KTN1: variants seen among roughly 807,000 people sequenced by gnomAD.
The protein encoded by KTN1 is kinectin.
Under a neutral mutation model 222.5 loss-of-function variants are expected in KTN1, and 130 were observed. The observed-to-expected ratio is 0.58, with a 90% CI of 0.51 to 0.68. The LOEUF (loss-of-function observed/expected upper bound fraction) is 0.68, where lower values mean the gene tolerates loss of function less well. Ranked by LOEUF, KTN1 falls within the 30% of genes least tolerant of loss-of-function variation. KTN1 has a pLI of 0.00. For missense variants in KTN1, 1,508 were observed against 1,500.4 expected, an observed-to-expected ratio of 1.01 and a Z score of -0.08; for synonymous variants, 512 against 496.3, an observed-to-expected ratio of 1.03 and a Z score of -0.42.
intron 41 of KTN1, among the ~76,000 whole-genome samples, chr14:55,677,283 C>T (rs2045960667): frequency 6.6e-6 from 1 of 151,986 alleles, no homozygotes; most frequent in Non-Finnish European, 1.5e-5. Flanking sequence ...CAAGACCAGC[C>T]TGGCCAACAT....
Position 55,641,897 on chromosome 14 carries a change from C to G in KTN1, c.2172+137C>G, listed in dbSNP as rs1279752975. ...TGGCTGTTATTGCCTTTCTATTCAT[C>G]CTGTATCTAAATTCAGGAAATTTTT... On this transcript the variant is annotated intron_variant, in intron 18 of 43. Coordinates refer to ENST00000395314, the MANE Select transcript of KTN1 (RefSeq NM_001079521.2). 6 of 635,298 alleles carry G rather than the reference C, an allele frequency of 9.4e-6. No individual in the cohort carries two copies. The Admixed American group carries it at 1.4e-4, about 15-fold the overall frequency. 39.4% of individuals were successfully genotyped at this position (635,298 alleles called of 1,614,324 possible).
chr14:55,674,812 A>C (rs182070921), intron 40 of KTN1: 2 of 152,034 alleles, frequency 1.3e-5, no homozygotes, highest in Admixed American at 1.3e-4. Context: ...TGGGATCTTT[A>C]TTTTAATGTT....
At chr14:55,681,119 A>G (rs1433653006) in intron 43 of KTN1, 1 of 182,026 alleles carries the variant, frequency 5.5e-6, no homozygotes, top group Non-Finnish European at 1.2e-5. Context: ...ATTTATTGTT[A>G]TTGATTACTT....
chr14:55,611,246 C>T (rs138313777), intron 1 of KTN1, among the ~76,000 whole-genome samples: 1,651 of 151,210 alleles, frequency 0.011, 12 homozygotes, highest in Non-Finnish European at 0.019. Flanking sequence ...TTAACTACGC[C>T]CAGCTAATTT....
intron 40 of KTN1, chr14:55,674,199 G>A (rs565127720): frequency 1.8e-4 from 28 of 152,132 alleles, no homozygotes; most frequent in African/African-American, 4.8e-4. Flanking sequence ...TTAGAGTAGA[G>A]CGGTATGAAA....
chr14:55,598,335 A>T (rs1371683898), intron 1 of KTN1, among the ~76,000 whole-genome samples: 2 of 151,556 alleles, frequency 1.3e-5, no homozygotes, highest in Non-Finnish European at 2.9e-5. Context: ...CTCTGGAGGC[A>T]GAGGCAGGAG....
chr14:55,680,533 C>A (rs1595351006), intron 43 of KTN1: 1 of 496,992 alleles, frequency 2.0e-6, no homozygotes, highest in Admixed American at 2.2e-5. Flanking sequence ...TCCTGGAGAC[C>A]CTGAGGGGCA....
At position 55,612,227 on chromosome 14, in the gene KTN1, A is replaced by G. The variant is rs918275201; in HGVS notation, c.179A>G (p.Lys60Arg). ...ACAGATAAAAAGAAAGCAGAAAAGAAAAAGAATAAAAAGAAAGAAATCCAG... is the reference window on the plus strand; with the variant it reads ...ACAGATAAAAAGAAAGCAGAAAAGAGAAAGAATAAAAAGAAAGAAATCCAG... ...TKTDKKKAEK[K>R]KNKKKEIQNG... The change falls in exon 2 of 44, where the codon AAA becomes AGA. Residue 60 changes from lysine (K) to arginine (R), a missense_variant. Physicochemically the swap from Lys to Arg is conservative, Grantham distance 26 (BLOSUM62 2). Coordinates refer to ENST00000395314, the MANE Select transcript of KTN1 (RefSeq NM_001079521.2). The G allele has an allele frequency of 1.3e-6, 2 of 1,584,462 alleles. No individual in the cohort carries two copies. The highest frequency in any genetic ancestry group is 1.7e-6 in the Non-Finnish European group (2 of 1,172,584).
At chr14:55,610,401 G>T (rs577096787) in intron 1 of KTN1, among the ~76,000 whole-genome samples, 2 of 152,182 alleles carry the variant, frequency 1.3e-5, no homozygotes, top group Non-Finnish European at 2.9e-5. Flanking sequence ...GTTCAAACCC[G>T]TGTTGTTACA....
chr14:55,590,896 G>T (rs1425265253), intron 1 of KTN1, among the ~76,000 whole-genome samples: 1 of 151,952 alleles, frequency 6.6e-6, no homozygotes, highest in South Asian at 2.1e-4. Flanking sequence ...GGCTGGTCTC[G>T]ATCTCCTGAC....
At chr14:55,683,991 C>T in intron 43 of KTN1, 108 bp from the exon 44 acceptor site, 1 of 823,410 alleles carries the variant, frequency 1.2e-6, no homozygotes, top group South Asian at 1.9e-5. Flanking sequence ...TTGAAAGGGC[C>T]ATGCTAGATC....
In KTN1 at chr14:55,658,576, T is replaced by C. The variant is rs1312585702; in HGVS notation, c.2923T>C (p.Ser975Pro). The C allele has an allele frequency of 6.2e-7, 1 of 1,604,642 alleles. No homozygotes were observed. The highest frequency in any genetic ancestry group is 1.1e-5 in the South Asian group (1 of 90,316). ...ACAAGATGAAAACAAATTGTTTAAG[T>C]CCCAAATTGAGCAGCTTAAACAACA... is the stretch of plus-strand genomic sequence containing the variant. ...DVQDENKLFK[S>P]QIEQLKQQNY... is the part of the protein sequence containing the mutation. Residue 975 changes from serine to proline, a missense_variant, in exon 30 of 44, where the codon TCC (serine) becomes CCC (proline). Physicochemically the swap from Ser to Pro is moderately conservative, Grantham distance 74. Coordinates refer to ENST00000395314, the MANE Select transcript of KTN1 (RefSeq NM_001079521.2).
At chr14:55,613,023 G>A (rs188376265) in intron 2 of KTN1, among the ~76,000 whole-genome samples, 11 of 152,216 alleles carry the variant, frequency 7.2e-5, no homozygotes, top group African/African-American at 2.4e-4. Flanking sequence ...AAGAATTAAA[G>A]GTGAAAAGCT....
chr14:55,619,912 C>T lies in KTN1; in HGVS notation c.963+600C>T, dbSNP rs2038908571. 2.0e-5 allele frequency among the ~76,000 whole-genome samples: 3 copies of T among 152,130 alleles called. No individual in the cohort carries two copies. In the South Asian group the frequency reaches 6.2e-4, roughly 32 times the overall value. Reference sequence around the variant, plus strand: ...GGTCCCCCAAAGTCTTAACTAATTTCATCATTAATTCAAAAGTCCACAGTC... The same window carrying T: ...GGTCCCCCAAAGTCTTAACTAATTTTATCATTAATTCAAAAGTCCACAGTC... On this transcript the variant is annotated intron_variant, in intron 5 of 43. Coordinates refer to ENST00000395314, the MANE Select transcript of KTN1 (RefSeq NM_001079521.2).
In KTN1 at chr14:55,593,321, T is replaced by C. The variant is rs567839782; in HGVS notation, c.-31+12967T>C. Among the ~76,000 whole-genome samples, 9 of 152,004 alleles carry C rather than the reference T, an allele frequency of 5.9e-5. No individual in the cohort carries two copies. The South Asian group carries it at 1.9e-3, about 32-fold the overall frequency. ...TTAAATTTCTTGCTATGTTTTGGAT[T>C]AAAAAAACTGGTTTTAATGTTGGAC... is the stretch of plus-strand genomic sequence containing the variant. On this transcript the variant is annotated intron_variant, in intron 1 of 43. Coordinates refer to ENST00000395314, the MANE Select transcript of KTN1 (RefSeq NM_001079521.2).
chr14:55,616,334 T>G (rs1006707082), intron 2 of KTN1, among the ~76,000 whole-genome samples, 183 bp from the exon 3 acceptor site: 19 of 151,460 alleles, frequency 1.3e-4, no homozygotes, highest in Non-Finnish European at 2.1e-4. Flanking sequence ...AAAGGAGGAG[T>G]AAGTACATTG....
At chr14:55,672,605 G>A (rs1166449668) in intron 37 of KTN1, 25 bp from the exon 38 acceptor site, 7 of 1,477,830 alleles carry the variant, frequency 4.7e-6, no homozygotes, top group African/African-American at 4.2e-5. Flanking sequence ...GTTTTACTTG[G>A]CCATGTAATT....
At chr14:55,679,431 T>C in intron 42 of KTN1, 134 bp from the exon 43 acceptor site, 1 of 727,306 alleles carries the variant, frequency 1.4e-6, no homozygotes, top group Non-Finnish European at 2.2e-6. Flanking sequence ...TTTTTGTTAT[T>C]GTTGATTTTC....
At chr14:55,594,957 T>A (rs749086634) in intron 1 of KTN1, among the ~76,000 whole-genome samples, 1 of 152,210 alleles carries the variant, frequency 6.6e-6, no homozygotes, top group Non-Finnish European at 1.5e-5. Context: ...AGTTCAGAGT[T>A]ACCTTGCATT....
Sources: gnomAD v4.1 joint callset for allele counts (sites outside exome capture counted in the v4.1 genomes callset) on GRCh38, gnomAD v4.1.1 for gene constraint, MANE v1.5 for transcripts, NCBI Gene and HGNC (gene_info 2026-07-23, HGNC 2026-07-21) for gene names.